Variants in GSDMB observed in about 807,000 individuals in gnomAD.
GSDMB encodes the protein gasdermin-B.
In GSDMB, 32 loss-of-function variants were observed where a neutral mutation model predicts 42.9. The ratio of observed to expected loss-of-function variants is 0.75; its 90% confidence interval spans 0.56 to 1.00. The LOEUF (loss-of-function observed/expected upper bound fraction) is 1.00. GSDMB is among the 50% of genes least tolerant of loss of function. The pLI is 0.00. For missense variants in GSDMB, 468 were observed against 498.5 expected, an observed-to-expected ratio of 0.94 and a Z score of 0.58; for synonymous variants, 175 against 193.7, an observed-to-expected ratio of 0.90 and a Z score of 0.80.
rs2063540194 is a variant in GSDMB, at chr17:39,908,227, CAAAAAGGGAGGA to C, written c.662-25_662-14del. The C allele has an allele frequency of 1.4e-6, 2 of 1,481,460 alleles. No homozygotes were observed. Among genetic ancestry groups the C allele is most frequent in the Non-Finnish European group, 1.8e-6 (2 of 1,085,126 alleles). The allele number at this position is 1,481,460 out of a possible 1,614,324, so 91.8% of individuals were successfully genotyped here. On this transcript the variant is annotated splice_polypyrimidine_tract_variant and intron_variant, in intron 5 of 10. Transcript: ENST00000418519. ...CTGAAATGAATATCTAAACCAGCAC[CAAAAAGGGAGGA>C]AAAAACAAGTTATTGGAGAGACCAG...
chr17:39,912,649 C>T, intron 2 of GSDMB, 152 bp from the exon 3 acceptor site: 2 of 652,560 alleles, frequency 3.1e-6, no homozygotes, highest in Non-Finnish European at 5.4e-6. Flanking sequence ...CCAGGAAATG[C>T]TGTTCTCACC....
intron 1 of GSDMB, 99 bp downstream of exon 1, chr17:39,918,435 T>A (rs1230771122): frequency 6.6e-6 from 1 of 152,574 alleles, no homozygotes; most frequent in Non-Finnish European, 1.5e-5. Context: ...TCTGGCCCCA[T>A]CATGGTGGTT....
Position 39,906,179 on chromosome 17 carries a change from T to A in GSDMB, c.820A>T (p.Lys274Ter). ...TTAGCGAGGGAGTTTAGCACATCTT[T>A]TCTCTTCTCCTCTGTCAGGTCCTTG... ...VLKDLTEEKR[K>*]DVLNSLAKCL... The change falls in exon 8 of 11, where the codon AAA becomes TAA. Residue 274 changes from lysine (K) to a stop codon, truncating the protein, a stop_gained. Coordinates refer to ENST00000418519, the MANE Select transcript of GSDMB (RefSeq NM_001165958.2). LOFTEE classifies it high-confidence loss of function. 1.2e-6 allele frequency: 2 copies of A among 1,614,158 alleles called. No individual in the cohort carries two copies. Among genetic ancestry groups the A allele is most frequent in the East Asian group, 2.2e-5 (1 of 44,878 alleles).
At chr17:39,910,527 A>G (rs1182837914) in intron 3 of GSDMB, among the ~76,000 whole-genome samples, 1 of 152,168 alleles carries the variant, frequency 6.6e-6, no homozygotes, top group Non-Finnish European at 1.5e-5. Flanking sequence ...TAGTAAGTGT[A>G]GAGCTGGGAT....
chr17:39,917,764 A>G, intron 1 of GSDMB: 1 of 196,348 alleles, frequency 5.1e-6, no homozygotes, highest in Non-Finnish European at 1.1e-5. Flanking sequence ...GCCTGCACCC[A>G]GCCTTGTTGC....
In GSDMB at chr17:39,908,918, T is replaced by A. The variant is rs112820199; in HGVS notation, c.661+40A>T. The A allele has an allele frequency of 4.5e-3, 5,582 of 1,245,044 alleles. 14 individuals are homozygous for A. The highest frequency in any genetic ancestry group is 5.6e-3 in the Non-Finnish European group (4,776 of 848,436). 77.1% of individuals were successfully genotyped at this position (1,245,044 alleles called of 1,614,324 possible). On this transcript the variant is annotated intron_variant, in intron 5 of 10. Coordinates refer to ENST00000418519, the MANE Select transcript of GSDMB (RefSeq NM_001165958.2). The stretch of plus-strand genomic sequence containing the variant: ...CCCACCCCCCACCTCACTGGTGTGT[T>A]TAGGGCCCCCCATCCTGTTCTCCAT...
intron 3 of GSDMB, among the ~76,000 whole-genome samples, chr17:39,910,838 C>A (rs1273444886): frequency 6.6e-6 from 1 of 152,192 alleles, no homozygotes; most frequent in Non-Finnish European, 1.5e-5. Flanking sequence ...TGCCCCACCC[C>A]ACATACAGAT....
At position 39,909,780 on chromosome 17, in the gene GSDMB, C is replaced by G. The variant is rs199576631; in HGVS notation, c.552G>C (p.Gln184His). 7 of 1,614,084 alleles carry G rather than the reference C, an allele frequency of 4.3e-6. No individual in the cohort carries two copies. Among genetic ancestry groups the G allele is most frequent in the Non-Finnish European group, 5.9e-6 (7 of 1,180,018 alleles). The stretch of plus-strand genomic sequence containing the variant: ...CCTTGTGTTTATAGCTGAGATGGCC[C>G]TGAGAGATCTGGCTCCAAAATTTAT... ...RQYKFWSQIS[Q>H]GHLSYKHKGQ... The change falls in exon 4 of 11, where the codon CAG (glutamine) becomes CAC (histidine). Residue 184 changes from glutamine (Q) to histidine (H), a missense_variant. By Grantham distance (24) the Gln-to-His change is conservative. Transcript: ENST00000418519.
At chr17:39,909,268 T>C (rs1370510084) in intron 4 of GSDMB, among the ~76,000 whole-genome samples, 1 of 152,208 alleles carries the variant, frequency 6.6e-6, no homozygotes, top group African/African-American at 2.4e-5. Flanking sequence ...GTTGCCACTG[T>C]TCATTCAACA....
intron 2 of GSDMB, among the ~76,000 whole-genome samples, chr17:39,914,833 C>CT (rs79835993): frequency 0.092 from 12,830 of 139,968 alleles, 1,885 homozygotes; most frequent in African/African-American, 0.31. Context: ...CCTATGCACA[C>CT]TTTTTTTTTT....
chr17:39,905,538 TG>T, intron 9 of GSDMB, 42 bp from the exon 10 acceptor site: 1 of 1,485,440 alleles, frequency 6.7e-7, no homozygotes, highest in Non-Finnish European at 9.3e-7. Context: ...AGATATATGG[TG>T]GGACAGGGCC....
intron 7 of GSDMB, chr17:39,906,523 C>T: frequency 7.4e-7 from 1 of 1,355,710 alleles, no homozygotes; most frequent in Non-Finnish European, 9.5e-7. Flanking sequence ...TTCTCCACTT[C>T]CTGGAAAAAA....
chr17:39,917,353 A>G, intron 1 of GSDMB, 23 bp from the exon 2 acceptor site: 1 of 1,352,638 alleles, frequency 7.4e-7, no homozygotes, highest in Non-Finnish European at 1.1e-6. Flanking sequence ...AGCCAATTTC[A>G]GTTTTTGGGA....
intron 2 of GSDMB, among the ~76,000 whole-genome samples, chr17:39,916,175 G>A (rs1041924084): frequency 1.3e-5 from 2 of 151,912 alleles, no homozygotes; most frequent in African/African-American, 4.8e-5. Flanking sequence ...CAAGGAACAT[G>A]AAAGGATAAT....
chr17:39,912,269 T>C, intron 3 of GSDMB, 57 bp downstream of exon 3: 1 of 1,309,350 alleles, frequency 7.6e-7, no homozygotes, highest in Non-Finnish European at 1.1e-6. Flanking sequence ...CTTGAATCCC[T>C]TGGTGCCCAA....
intron 6 of GSDMB, 76 bp from the exon 7 acceptor site, chr17:39,907,063 G>A (rs959798618): frequency 5.0e-6 from 8 of 1,607,008 alleles, no homozygotes. Context: ...TCCCAGTGAT[G>A]GAAGTTTTTA....
At position 39,909,035 on chromosome 17, in the gene GSDMB, C is replaced by G. The variant is rs2063558898; in HGVS notation, c.584G>C (p.Arg195Thr). Residue 195 changes from arginine to threonine, a missense_variant, in exon 5 of 11, where the codon AGG becomes ACG. Arg to Thr is a moderately conservative substitution (Grantham distance 71). Coordinates refer to ENST00000418519, the MANE Select transcript of GSDMB (RefSeq NM_001165958.2). ...GHLSYKHKGQ[R>T]EVTIPPNRVL... ...CCGATTTGGGGGGATGGTCACTTCC[C>G]TTTGGCCCTAGAAAAAGGAGCTCAC... 1.3e-6 allele frequency: 2 copies of G among 1,593,446 alleles called. No individual in the cohort carries two copies. Among genetic ancestry groups the G allele is most frequent in the Non-Finnish European group, 1.7e-6 (2 of 1,171,410 alleles).
At position 39,908,324 on chromosome 17, in the gene GSDMB, CAAAAAAAAA is replaced by C. The variant is rs3076830; in HGVS notation, c.662-119_662-111del. ...CTCAATCCCTATACCAGCCTCCAAT[CAAAAAAAAA>C]AAAAAAAAAAGACAACTGTTTTTTG... On this transcript the variant is annotated intron_variant, in intron 5 of 10. Coordinates refer to ENST00000418519, the MANE Select transcript of GSDMB (RefSeq NM_001165958.2). 2.4e-5 allele frequency: 6 copies of C among 245,698 alleles called. 1 individual carries two copies. Among genetic ancestry groups the C allele is most frequent in the South Asian group, 1.4e-4 (2 of 14,388 alleles). The allele number at this position is 245,698 out of a possible 1,614,324, so 15.2% of individuals were successfully genotyped here.
intron 3 of GSDMB, among the ~76,000 whole-genome samples, chr17:39,911,993 G>C (rs1003743357): frequency 3.9e-5 from 6 of 151,994 alleles, no homozygotes; most frequent in Non-Finnish European, 7.4e-5. Context: ...GTCCAAGTCA[G>C]AGGAATTAAC....
Sources: gnomAD v4.1 joint callset for allele counts (sites outside exome capture counted in the v4.1 genomes callset) on GRCh38, gnomAD v4.1.1 for gene constraint, MANE v1.5 for transcripts, NCBI Gene and HGNC (gene_info 2026-07-23, HGNC 2026-07-21) for gene names.